Variants in PIGL observed in about 807,000 individuals in gnomAD.
PIGL encodes phosphatidylinositol glycan anchor biosynthesis class L.
Under a neutral mutation model 31.1 loss-of-function variants are expected in PIGL, and 22 were observed. That is an observed-to-expected ratio of 0.71 (90% CI 0.51 to 1.01). PIGL has a LOEUF of 1.01. Ranked by LOEUF, PIGL falls within the 50% of genes least tolerant of loss-of-function variation. The pLI, the probability that PIGL is intolerant of heterozygous loss-of-function variation, is 0.00. For synonymous variants in PIGL, 131 were observed against 117.4 expected (o/e 1.12, Z -0.75); for missense variants, 302 against 315.9 (o/e 0.96, Z 0.33).
intron 2 of PIGL, among the ~76,000 whole-genome samples, chr17:16,254,493 C>G (rs370198039): frequency 1.3e-5 from 2 of 152,126 alleles, no homozygotes; most frequent in Non-Finnish European, 2.9e-5. Flanking sequence ...GTCTCGAACT[C>G]GCGACCTCAG....
chr17:16,299,897 A>G lies in PIGL; in HGVS notation c.345A>G (p.Pro115=). The G allele has an allele frequency of 6.2e-7, 1 of 1,613,110 alleles. No homozygotes were observed. Among genetic ancestry groups the G allele is most frequent in the Non-Finnish European group, 8.5e-7 (1 of 1,179,036 alleles). The stretch of plus-strand genomic sequence containing the variant: ...TGCTTCTCTCTTGTAGGGATTTCCC[A>G]GATGACCCAGGCATGCAGTGGGACA... ...SVMIIDNRDF[P]DDPGMQWDTE... The change falls in exon 3 of 7, where the codon CCA becomes CCG. Residue 115 remains proline (P), a synonymous_variant. Coordinates refer to ENST00000225609, the MANE Select transcript of PIGL (RefSeq NM_004278.4).
chr17:16,322,463 AT>A (rs1170955510), intron 6 of PIGL, among the ~76,000 whole-genome samples: 1 of 152,160 alleles, frequency 6.6e-6, no homozygotes, highest in Non-Finnish European at 1.5e-5. Context: ...TAAAAAAAAA[AT>A]ACTTTAATAC....
chr17:16,282,807 G>A (rs1347294914), intron 2 of PIGL, among the ~76,000 whole-genome samples: 1 of 152,134 alleles, frequency 6.6e-6, no homozygotes, highest in Non-Finnish European at 1.5e-5. Context: ...AGATGTCCAG[G>A]CTGGTCATAG....
chr17:16,217,637 G>T, intron 1 of PIGL, 176 bp downstream of exon 1: 9 of 529,962 alleles, frequency 1.7e-5, no homozygotes, highest in Admixed American at 3.5e-5. Context: ...TTACCTGGTG[G>T]GTTGGGGGAC....
At chr17:16,254,364 G>A (rs1053766281) in intron 2 of PIGL, among the ~76,000 whole-genome samples, 1 of 152,062 alleles carries the variant, frequency 6.6e-6, no homozygotes, top group Admixed American at 6.6e-5. Context: ...TGCCTCCCGG[G>A]TTCAAGCGAT....
chr17:16,238,429 C>CTTT (rs1330555896), intron 2 of PIGL, among the ~76,000 whole-genome samples: 1 of 142,450 alleles, frequency 7.0e-6, no homozygotes, highest in African/African-American at 2.6e-5. Flanking sequence ...TGGAGTGTTT[C>CTTT]TTTTTTTCTT....
intron 2 of PIGL, among the ~76,000 whole-genome samples, chr17:16,254,619 T>G (rs1424104522): frequency 2.6e-5 from 4 of 152,022 alleles, no homozygotes; most frequent in East Asian, 1.9e-4. Flanking sequence ...GTTTTGTTTT[T>G]TTTGAGATAG....
intron 6 of PIGL, among the ~76,000 whole-genome samples, chr17:16,324,816 G>A (rs1490124315): frequency 1.3e-5 from 2 of 152,080 alleles, no homozygotes; most frequent in South Asian, 2.1e-4. Context: ...AATCTATTCT[G>A]TTTAAAAACT....
intron 1 of PIGL, among the ~76,000 whole-genome samples, chr17:16,232,502 G>A (rs1398172023): frequency 1.3e-5 from 2 of 152,154 alleles, no homozygotes; most frequent in Admixed American, 1.3e-4. Context: ...CTTGACTTCA[G>A]CTTCCAGAAC....
At chr17:16,283,156 C>G (rs1356410087) in intron 2 of PIGL, among the ~76,000 whole-genome samples, 3 of 151,764 alleles carry the variant, frequency 2.0e-5, no homozygotes, top group Non-Finnish European at 4.4e-5. Flanking sequence ...TCACACATCA[C>G]CATGCCCAGC....
At chr17:16,252,169 G>T (rs1294800771) in intron 2 of PIGL, among the ~76,000 whole-genome samples, 2 of 151,226 alleles carry the variant, frequency 1.3e-5, no homozygotes, top group Non-Finnish European at 2.9e-5. Context: ...CACCTCCCAG[G>T]TTCAAGCGAT....
chr17:16,258,155 GAGAA>G, intron 2 of PIGL, among the ~76,000 whole-genome samples: 2 of 131,758 alleles, frequency 1.5e-5, no homozygotes, highest in Non-Finnish European at 3.4e-5. Context: ...GAGAGAGAGA[GAGAA>G]AACTCGGAAG....
intron 2 of PIGL, among the ~76,000 whole-genome samples, chr17:16,235,968 A>T (rs1196680971): frequency 6.6e-6 from 1 of 152,100 alleles, no homozygotes; most frequent in Non-Finnish European, 1.5e-5. Context: ...ATATGTTCTC[A>T]TGCCTATTGC....
At chr17:16,235,435 C>CTTTT (rs903174807) in intron 2 of PIGL, among the ~76,000 whole-genome samples, 9 of 90,924 alleles carry the variant, frequency 9.9e-5, no homozygotes, top group East Asian at 3.1e-4. Context: ...TGTCTACGTT[C>CTTTT]TTTTTTTTTT....
chr17:16,287,601 A>G (rs551958058), intron 2 of PIGL, among the ~76,000 whole-genome samples: 1 of 152,288 alleles, frequency 6.6e-6, no homozygotes, highest in African/African-American at 2.4e-5. Flanking sequence ...CTCTAAATAT[A>G]TTTCTGTTCC....
chr17:16,277,844 C>A (rs1190105961), intron 2 of PIGL, among the ~76,000 whole-genome samples: 1 of 152,122 alleles, frequency 6.6e-6, no homozygotes, highest in East Asian at 1.9e-4. Context: ...TTTTACATAA[C>A]AATTATAATG....
chr17:16,239,968 A>C (rs189750421), intron 2 of PIGL, among the ~76,000 whole-genome samples: 2 of 152,054 alleles, frequency 1.3e-5, no homozygotes, highest in South Asian at 4.2e-4. Flanking sequence ...TTACTCAGTG[A>C]TATGATTTCG....
chr17:16,252,258 G>C (rs1279947514), intron 2 of PIGL, among the ~76,000 whole-genome samples: 1 of 151,834 alleles, frequency 6.6e-6, no homozygotes. Context: ...ATTTTTATTA[G>C]AGACGGTGTT....
chr17:16,317,003 T>C, intron 5 of PIGL: 1 of 1,191,006 alleles, frequency 8.4e-7, no homozygotes, highest in Non-Finnish European at 1.1e-6. Context: ...TCTTCCAGTC[T>C]GAACTCAATC....
Sources: gnomAD v4.1 joint callset for allele counts (sites outside exome capture counted in the v4.1 genomes callset) on GRCh38, gnomAD v4.1.1 for gene constraint, MANE v1.5 for transcripts, NCBI Gene and HGNC (gene_info 2026-07-23, HGNC 2026-07-21) for gene names.